METAP1D: variants seen among roughly 807,000 people sequenced by gnomAD.
METAP1D encodes the protein methionyl aminopeptidase type 1D, mitochondrial.
METAP1D carries 31 observed loss-of-function variants against 40.5 expected under a neutral mutation model. The observed-to-expected ratio is 0.77, with a 90% CI of 0.58 to 1.03. The LOEUF (loss-of-function observed/expected upper bound fraction) is 1.03, where lower values mean the gene tolerates loss of function less well. Among genes scored for constraint, METAP1D ranks in the 50% least tolerant of loss-of-function variants. The probability of loss-of-function intolerance (pLI) is 0.00; values close to 1 mark genes in which losing one functional copy is unlikely to be tolerated. For synonymous variants in METAP1D, 151 were observed against 146.4 expected (o/e 1.03, Z -0.22); for missense variants, 411 against 420.7 (o/e 0.98, Z 0.20).
At chr2:172,004,360 G>T (rs909770727) in intron 1 of METAP1D, among the ~76,000 whole-genome samples, 23 of 151,406 alleles carry the variant, frequency 1.5e-4, no homozygotes, top group Admixed American at 3.3e-4. Flanking sequence ...GTCTTGCTCT[G>T]TTGCCCAGGC....
At chr2:172,038,340 C>T (rs1689441290) in intron 1 of METAP1D, among the ~76,000 whole-genome samples, 1 of 152,120 alleles carries the variant, frequency 6.6e-6, no homozygotes, top group Admixed American at 6.5e-5. Context: ...AAAATGCATT[C>T]CAAACAGCTA....
Position 172,075,177 on chromosome 2 carries a change from ATCC to A in METAP1D, c.705-2614_705-2612del, listed in dbSNP as rs541743832. Among the ~76,000 whole-genome samples, 342 of 152,328 alleles carry A rather than the reference ATCC, an allele frequency of 2.2e-3. 2 individuals are homozygous for A. The highest frequency in any genetic ancestry group is 7.4e-3 in the African/African-American group (308 of 41,582). On this transcript the variant is annotated intron_variant, in intron 6 of 9. Coordinates refer to ENST00000315796, the MANE Select transcript of METAP1D (RefSeq NM_199227.3). ...GTAAGTTCATAAACAACCTTTATGTATCCTCCTCTCCCTCTCCAAATATTCCAT... is the reference window on the plus strand; with the variant it reads ...GTAAGTTCATAAACAACCTTTATGTATCCTCTCCCTCTCCAAATATTCCAT...
chr2:172,042,927 A>G (rs567010262), intron 1 of METAP1D, among the ~76,000 whole-genome samples: 3 of 128,434 alleles, frequency 2.3e-5, no homozygotes, highest in African/African-American at 7.8e-5. Flanking sequence ...ATATATGCGT[A>G]CATGTGTATA....
intron 1 of METAP1D, among the ~76,000 whole-genome samples, chr2:172,030,691 G>C (rs943363303): frequency 1.3e-5 from 2 of 152,202 alleles, no homozygotes; most frequent in Non-Finnish European, 2.9e-5. Flanking sequence ...AGACCATGGA[G>C]CGACATCAAT....
rs574379450 is a variant in METAP1D at position 172,011,431 on chromosome 2, C to G, written c.40+11422C>G. Among the ~76,000 whole-genome samples, 4 of 152,032 alleles carry G rather than the reference C, an allele frequency of 2.6e-5. No individual in the cohort carries two copies. In the South Asian group the frequency reaches 8.3e-4, roughly 32 times the overall value. ...TCCAGAGTAGCTGGGACTACAGGCG[C>G]CCGCCACCACGCCCAGCTAATTTTT... On this transcript the variant is annotated intron_variant, in intron 1 of 9. Transcript: ENST00000315796.
intron 1 of METAP1D, among the ~76,000 whole-genome samples, chr2:172,036,088 T>C (rs554141465): frequency 0.011 from 1,671 of 152,014 alleles, 13 homozygotes; most frequent in Admixed American, 0.017. Flanking sequence ...GAGGCCAAGG[T>C]GGGCGGATCA....
intron 5 of METAP1D, among the ~76,000 whole-genome samples, chr2:172,070,257 A>C (rs540255405): frequency 3.1e-4 from 47 of 152,298 alleles, no homozygotes; most frequent in African/African-American, 9.6e-4. Flanking sequence ...AATTCTTTAG[A>C]TATCCATATA....
Position 172,063,871 on chromosome 2 carries a change from A to T in METAP1D, c.348+11A>T, listed in dbSNP as rs1284002987. 1 of 1,599,954 alleles carries T rather than the reference A, an allele frequency of 6.3e-7. No homozygotes were observed. Among genetic ancestry groups the T allele is most frequent in the Non-Finnish European group, 8.5e-7 (1 of 1,174,812 alleles). On this transcript the variant is annotated intron_variant, in intron 3 of 9. Coordinates refer to ENST00000315796, the MANE Select transcript of METAP1D (RefSeq NM_199227.3). ...GGGAAGAGTTTAAAGGTGGCGTCTC[A>T]CCAAGCCTCAGAACGACTTACATAA...
In METAP1D at chr2:172,078,520, C is replaced by A. The variant is rs915637231; in HGVS notation, c.802+626C>A. On this transcript the variant is annotated intron_variant, in intron 7 of 9. Coordinates refer to ENST00000315796, the MANE Select transcript of METAP1D (RefSeq NM_199227.3). ...GTGGAGCACCCTCAAGGCAGGTCCA[C>A]ACCTGGACGGGGATCAAAGGAAAGT... is the stretch of plus-strand genomic sequence containing the variant. 1.4e-4 allele frequency among the ~76,000 whole-genome samples: 22 copies of A among 152,184 alleles called. 1 individual carries two copies. Among genetic ancestry groups the A allele is most frequent in the Non-Finnish European group, 2.1e-4 (14 of 68,020 alleles).
intron 1 of METAP1D, among the ~76,000 whole-genome samples, chr2:172,038,928 T>C (rs914564802): frequency 2.6e-5 from 4 of 152,212 alleles, no homozygotes; most frequent in Admixed American, 6.5e-5. Flanking sequence ...GTCAGCATCA[T>C]CTAGTCACGC....
At chr2:172,006,998 TATGTTC>T (rs1250358277) in intron 1 of METAP1D, among the ~76,000 whole-genome samples, 1 of 152,166 alleles carries the variant, frequency 6.6e-6, no homozygotes, top group African/African-American at 2.4e-5. Context: ...GTTCACTCAT[TATGTTC>T]ATCTTTTCCT....
At chr2:172,039,092 C>T (rs2105430184) in intron 1 of METAP1D, among the ~76,000 whole-genome samples, 1 of 152,238 alleles carries the variant, frequency 6.6e-6, no homozygotes, top group East Asian at 1.9e-4. Flanking sequence ...AAGGAGGGTT[C>T]CCATACCATT....
chr2:172,028,534 ATGTGTGTCTG>A (rs1341703817), intron 1 of METAP1D, among the ~76,000 whole-genome samples: 5 of 124,332 alleles, frequency 4.0e-5, no homozygotes, highest in African/African-American at 9.3e-5. Flanking sequence ...AGACTTCTGT[ATGTGTGTCTG>A]TGTGTGTGTG....
intron 1 of METAP1D, among the ~76,000 whole-genome samples, chr2:172,016,344 G>A (rs796705712): frequency 3.2e-4 from 40 of 126,272 alleles, no homozygotes; most frequent in African/African-American, 1.1e-3. Context: ...TAGTCCAGGC[G>A]TGGTGACTAA....
At chr2:172,042,093 G>A (rs1689546103) in intron 1 of METAP1D, among the ~76,000 whole-genome samples, 1 of 124,040 alleles carries the variant, frequency 8.1e-6, no homozygotes, top group South Asian at 2.6e-4. Context: ...AAGCCACTGT[G>A]CCTGGCCAGA....
Position 172,044,593 on chromosome 2 carries a change from A to G in METAP1D, c.41-16905A>G, listed in dbSNP as rs185933611. On this transcript the variant is annotated intron_variant, in intron 1 of 9. Coordinates refer to ENST00000315796, the MANE Select transcript of METAP1D (RefSeq NM_199227.3). ...TTGGTGATAGAGCGAGACTCTGTCT[A>G]AAAAATAAAAATAAAATAAGTCAGG... is the stretch of plus-strand genomic sequence containing the variant. Among the ~76,000 whole-genome samples, 192 of 131,136 alleles carry G rather than the reference A, an allele frequency of 1.5e-3. 35 individuals carry two copies. Among genetic ancestry groups the G allele is most frequent in the South Asian group, 5.0e-3 (20 of 4,002 alleles). The allele number at this position is 131,136 out of a possible 152,430, so 86.0% of individuals were successfully genotyped here.
At chr2:172,022,763 GT>G (rs1689034309) in intron 1 of METAP1D, among the ~76,000 whole-genome samples, 1 of 152,092 alleles carries the variant, frequency 6.6e-6, no homozygotes, top group Non-Finnish European at 1.5e-5. Flanking sequence ...AGTATTAGCA[GT>G]CAATGCAATT....
At chr2:172,020,439 C>T (rs925557396) in intron 1 of METAP1D, among the ~76,000 whole-genome samples, 5 of 152,290 alleles carry the variant, frequency 3.3e-5, no homozygotes, top group East Asian at 3.9e-4. Flanking sequence ...CGTCTTCTTT[C>T]GTGCCCACAA....
chr2:172,075,655 A>G lies in METAP1D; in HGVS notation c.705-2142A>G, dbSNP rs910884434. Among the ~76,000 whole-genome samples, 5 of 152,256 alleles carry G rather than the reference A, an allele frequency of 3.3e-5. 1 individual carries two copies. Among genetic ancestry groups the G allele is most frequent in the African/African-American group, 7.2e-5 (3 of 41,464 alleles). Reference sequence around the variant, plus strand: ...TGTGCTCCCCATTTATTCCAAAATAATAGAAAGGGAATGCTTTTAAACAGT... The same window carrying G: ...TGTGCTCCCCATTTATTCCAAAATAGTAGAAAGGGAATGCTTTTAAACAGT... On this transcript the variant is annotated intron_variant, in intron 6 of 9. Transcript: ENST00000315796.
Sources: gnomAD v4.1 joint callset for allele counts (sites outside exome capture counted in the v4.1 genomes callset) on GRCh38, gnomAD v4.1.1 for gene constraint, MANE v1.5 for transcripts, NCBI Gene and HGNC (gene_info 2026-07-23, HGNC 2026-07-21) for gene names.